Variants in TENM4 observed in about 807,000 individuals in gnomAD.
The protein encoded by TENM4 is teneurin-4.
TENM4 carries 82 observed loss-of-function variants against 243.3 expected under a neutral mutation model. That is an observed-to-expected ratio of 0.34 (90% CI 0.28 to 0.40). The LOEUF (loss-of-function observed/expected upper bound fraction) is 0.40, where lower values mean the gene tolerates loss of function less well. Ranked by LOEUF, TENM4 falls within the 10% of genes least tolerant of loss-of-function variation. The pLI, the probability that TENM4 is intolerant of heterozygous loss-of-function variation, is 1.00. For missense variants in TENM4, 3,138 were observed against 3,673.3 expected (o/e 0.85, Z 3.77); for synonymous variants, 1,412 against 1,456.3 (o/e 0.97, Z 0.69).
chr11:78,818,011 T>C (rs1022936571), intron 12 of TENM4, among the ~76,000 whole-genome samples: 2 of 152,208 alleles, frequency 1.3e-5, no homozygotes, highest in African/African-American at 4.8e-5. Flanking sequence ...ATAGGTTTCA[T>C]TGTTGACTGT....
intron 2 of TENM4, among the ~76,000 whole-genome samples, chr11:79,217,934 T>C (rs190742304): frequency 0.036 from 5,488 of 152,204 alleles, 100 homozygotes; most frequent in Non-Finnish European, 0.037. Flanking sequence ...CAGGCTGGTC[T>C]TGGACTCCTG....
chr11:78,667,723 G>T (rs1429782575), intron 32 of TENM4, among the ~76,000 whole-genome samples: 1 of 152,184 alleles, frequency 6.6e-6, no homozygotes, highest in Non-Finnish European at 1.5e-5. Context: ...TGAAACAGTG[G>T]CTGCACAGAA....
intron 2 of TENM4, among the ~76,000 whole-genome samples, chr11:79,226,908 G>T (rs561295942): frequency 2.6e-5 from 4 of 152,284 alleles, no homozygotes; most frequent in Non-Finnish European, 5.9e-5. Context: ...GGGTGGGTGG[G>T]AGTGCGCAGG....
At chr11:79,155,515 G>A (rs1862591517) in intron 3 of TENM4, among the ~76,000 whole-genome samples, 1 of 152,106 alleles carries the variant, frequency 6.6e-6, no homozygotes, top group South Asian at 2.1e-4. Context: ...ATAGACTCCA[G>A]AGTGCTCCGG....
At chr11:79,049,278 T>C (rs1194856256) in intron 6 of TENM4, among the ~76,000 whole-genome samples, 1 of 152,206 alleles carries the variant, frequency 6.6e-6, no homozygotes, top group Non-Finnish European at 1.5e-5. Context: ...TCTTCCCCCC[T>C]ACTCAGGACG....
chr11:79,292,293 G>T (rs79299543), intron 2 of TENM4, among the ~76,000 whole-genome samples: 5,366 of 152,166 alleles, frequency 0.035, 315 homozygotes, highest in East Asian at 0.28. Flanking sequence ...TGAGCATGCT[G>T]TAGTGGACTT....
chr11:79,295,158 T>C (rs1353186028), intron 2 of TENM4, among the ~76,000 whole-genome samples: 2 of 152,176 alleles, frequency 1.3e-5, no homozygotes, highest in Non-Finnish European at 1.5e-5. Flanking sequence ...AACCCAGTCC[T>C]GTTTAGGCGA....
At chr11:79,064,094 T>C (rs1860174950) in intron 6 of TENM4, among the ~76,000 whole-genome samples, 1 of 151,638 alleles carries the variant, frequency 6.6e-6, no homozygotes, top group Non-Finnish European at 1.5e-5. Context: ...CTTATTTTTT[T>C]GTGGTGAGAA....
In TENM4 at chr11:78,656,759, G is replaced by A. The variant is rs1857905845; in HGVS notation, c.*1299C>T. 2.9e-6 allele frequency: 1 copy of A among 348,370 alleles called. No individual in the cohort carries two copies. The highest frequency in any genetic ancestry group is 2.1e-5 in the African/African-American group (1 of 47,680). The allele number at this position is 348,370 out of a possible 1,614,324, so 21.6% of individuals were successfully genotyped here. Reference sequence around the variant, plus strand: ...TTCCTGTCACTAAAAAACACATTGGGTGGGCTTCTCTAGAGGGGAAGCTGT... The same window carrying A: ...TTCCTGTCACTAAAAAACACATTGGATGGGCTTCTCTAGAGGGGAAGCTGT... On this transcript the variant is annotated 3_prime_UTR_variant, in exon 34 of 34. Coordinates refer to ENST00000278550, the MANE Select transcript of TENM4 (RefSeq NM_001098816.3).
chr11:79,129,829 A>AATC (rs2137157156), intron 4 of TENM4, among the ~76,000 whole-genome samples: 1 of 152,270 alleles, frequency 6.6e-6, no homozygotes, highest in East Asian at 1.9e-4. Context: ...AAGAGCATTT[A>AATC]ATCGTGGGAG....
chr11:79,342,064 A>G (rs1218660272), intron 1 of TENM4, among the ~76,000 whole-genome samples: 1 of 152,222 alleles, frequency 6.6e-6, no homozygotes, highest in Non-Finnish European at 1.5e-5. Context: ...AAAGCTGTGC[A>G]GCACACTGGG....
At chr11:78,790,568 A>G (rs1341824339) in intron 15 of TENM4, among the ~76,000 whole-genome samples, 1 of 152,224 alleles carries the variant, frequency 6.6e-6, no homozygotes, top group Non-Finnish European at 1.5e-5. Flanking sequence ...TATCCTTCTT[A>G]GTGGTGTGGG....
At chr11:79,343,258 A>G (rs1021349870) in intron 1 of TENM4, among the ~76,000 whole-genome samples, 4 of 152,202 alleles carry the variant, frequency 2.6e-5, no homozygotes, top group African/African-American at 9.6e-5. Flanking sequence ...TGGTTAAGTG[A>G]TCCTTATCAC....
At chr11:78,968,905 A>G (rs1252227438) in intron 6 of TENM4, among the ~76,000 whole-genome samples, 2 of 152,238 alleles carry the variant, frequency 1.3e-5, no homozygotes, top group Non-Finnish European at 2.9e-5. Flanking sequence ...CAGCTAAAGC[A>G]GAAAGACCAT....
intron 7 of TENM4, among the ~76,000 whole-genome samples, chr11:78,898,957 A>G (rs750327453): frequency 6.6e-6 from 1 of 152,188 alleles, no homozygotes; most frequent in Non-Finnish European, 1.5e-5. Context: ...TTCAGACATT[A>G]TCTTAATATG....
chr11:78,884,975 G>GATGTAT (rs142595943), intron 9 of TENM4, among the ~76,000 whole-genome samples: 3,665 of 152,176 alleles, frequency 0.024, 51 homozygotes, highest in South Asian at 0.042. Context: ...AAGGGCACGT[G>GATGTAT]GACAGCATAC....
At chr11:78,936,328 T>C (rs539145713) in intron 6 of TENM4, among the ~76,000 whole-genome samples, 1 of 152,352 alleles carries the variant, frequency 6.6e-6, no homozygotes, top group Non-Finnish European at 1.5e-5. Flanking sequence ...CTCACTGGGT[T>C]GTTTACAGTT....
chr11:79,117,242 C>A (rs1861640908), intron 4 of TENM4, among the ~76,000 whole-genome samples: 1 of 152,188 alleles, frequency 6.6e-6, no homozygotes, highest in South Asian at 2.1e-4. Context: ...TTCATCAGCT[C>A]TCTTTACGTC....
In TENM4 at chr11:78,863,138, G is replaced by GTGAGCAA; in HGVS notation, c.1085-13_1085-7dup. ...TAGGCCAAACAGGTGCATGGCTGTG[G>GTGAGCAA]TGAGCAATGAGAAAAGTCATCTTTT... On this transcript the variant is annotated splice_polypyrimidine_tract_variant and splice_region_variant and intron_variant, in intron 9 of 33. Transcript: ENST00000278550. The GTGAGCAA allele has an allele frequency of 6.7e-7, 1 of 1,486,400 alleles. No homozygotes were observed. The highest frequency in any genetic ancestry group is 9.1e-7 in the Non-Finnish European group (1 of 1,101,708). 92.1% of individuals were successfully genotyped at this position (1,486,400 alleles called of 1,614,324 possible).
Sources: gnomAD v4.1 joint callset for allele counts (sites outside exome capture counted in the v4.1 genomes callset) on GRCh38, gnomAD v4.1.1 for gene constraint, MANE v1.5 for transcripts, NCBI Gene and HGNC (gene_info 2026-07-23, HGNC 2026-07-21) for gene names.